INPP4B: variants seen among roughly 807,000 people sequenced by gnomAD.
INPP4B encodes inositol polyphosphate 4-phosphatase type II.
A neutral mutation model predicts 122.5 loss-of-function variants in INPP4B; 55 were observed. That is an observed-to-expected ratio of 0.45 (90% CI 0.36 to 0.56). The LOEUF is 0.56. INPP4B is among the 20% of genes least tolerant of loss of function. INPP4B has a pLI of 0.00. For synonymous variants in INPP4B, 403 were observed against 388.7 expected (o/e 1.04, Z -0.43); for missense variants, 1,000 against 1,097.7 (o/e 0.91, Z 1.26).
chr4:142,836,755 G>A (rs972436392), intron 1 of INPP4B, among the ~76,000 whole-genome samples: 2 of 103,102 alleles, frequency 1.9e-5, no homozygotes, highest in Admixed American at 8.9e-5. Flanking sequence ...CAAGAAATAC[G>A]ACATTCAACT....
At chr4:142,218,863 T>C (rs1450573913) in intron 12 of INPP4B, among the ~76,000 whole-genome samples, 1 of 152,186 alleles carries the variant, frequency 6.6e-6, no homozygotes, top group African/African-American at 2.4e-5. Context: ...CAGTGAAGAA[T>C]AGACTACATA....
At chr4:142,437,474 G>A (rs941702211) in intron 3 of INPP4B, among the ~76,000 whole-genome samples, 3 of 151,904 alleles carry the variant, frequency 2.0e-5, no homozygotes, top group African/African-American at 4.8e-5. Flanking sequence ...CTCCAAGGTC[G>A]ACATGAAGGA....
intron 1 of INPP4B, among the ~76,000 whole-genome samples, chr4:142,815,612 A>G (rs1463381398): frequency 6.6e-6 from 1 of 152,080 alleles, no homozygotes; most frequent in East Asian, 1.9e-4. Flanking sequence ...ACCTGAAACT[A>G]TGTCTTTCTG....
chr4:142,234,150 T>C (rs183948472), intron 12 of INPP4B, among the ~76,000 whole-genome samples: 370 of 152,290 alleles, frequency 2.4e-3, no homozygotes, highest in Non-Finnish European at 3.4e-3. Flanking sequence ...GCACTAACTG[T>C]TCTTCCCCTA....
chr4:142,081,409 T>C (rs1773842597), intron 25 of INPP4B, among the ~76,000 whole-genome samples: 1 of 152,190 alleles, frequency 6.6e-6, no homozygotes, highest in African/African-American at 2.4e-5. Flanking sequence ...ACTGTGGAAA[T>C]GAATCAAGAA....
At chr4:142,534,298 C>T (rs932157304) in intron 2 of INPP4B, among the ~76,000 whole-genome samples, 2 of 152,076 alleles carry the variant, frequency 1.3e-5, no homozygotes, top group African/African-American at 4.8e-5. Context: ...TCAAAATTTA[C>T]GTTGAAACTT....
intron 9 of INPP4B, among the ~76,000 whole-genome samples, chr4:142,273,841 G>A (rs1262405828): frequency 6.6e-6 from 1 of 151,710 alleles, no homozygotes; most frequent in African/African-American, 2.4e-5. Context: ...AAACAGAATG[G>A]TAAATCCAGG....
At chr4:142,320,649 A>G (rs1038367282) in intron 7 of INPP4B, among the ~76,000 whole-genome samples, 2 of 151,124 alleles carry the variant, frequency 1.3e-5, no homozygotes, top group African/African-American at 4.9e-5. Context: ...CCCTCACCCC[A>G]CTCCCACCCT....
intron 2 of INPP4B, among the ~76,000 whole-genome samples, chr4:142,553,189 G>A (rs918244860): frequency 6.6e-6 from 1 of 152,042 alleles, no homozygotes; most frequent in Non-Finnish European, 1.5e-5. Context: ...TCAGAGCAGA[G>A]TCAGAAGCTC....
intron 1 of INPP4B, among the ~76,000 whole-genome samples, chr4:142,771,004 C>T (rs891001028): frequency 5.9e-5 from 9 of 152,158 alleles, no homozygotes; most frequent in African/African-American, 1.2e-4. Flanking sequence ...TTGGAAAGTG[C>T]GGGTAACAAA....
chr4:142,353,786 A>G (rs1466002611), intron 7 of INPP4B, among the ~76,000 whole-genome samples: 1 of 152,012 alleles, frequency 6.6e-6, no homozygotes, highest in African/African-American at 2.4e-5. Flanking sequence ...TGCAAATAGT[A>G]TAGAGTTTGT....
At chr4:142,722,052 AG>A (rs1309327748) in intron 2 of INPP4B, among the ~76,000 whole-genome samples, 5 of 151,764 alleles carry the variant, frequency 3.3e-5, no homozygotes, top group African/African-American at 1.2e-4. Flanking sequence ...ATTATATTGA[AG>A]AAAAAAATCC....
intron 25 of INPP4B, among the ~76,000 whole-genome samples, chr4:142,075,412 G>A (rs948949604): frequency 2.6e-5 from 4 of 151,760 alleles, no homozygotes; most frequent in Admixed American, 6.6e-5. Context: ...CACTAACCCC[G>A]ACTCTAAGCT....
chr4:142,559,536 T>C (rs1195801856), intron 2 of INPP4B, among the ~76,000 whole-genome samples: 2 of 152,144 alleles, frequency 1.3e-5, no homozygotes, highest in Non-Finnish European at 2.9e-5. Context: ...ATAGCAAGGA[T>C]GTCTTGCTAT....
At chr4:142,151,580 C>A (rs749954402) in intron 17 of INPP4B, among the ~76,000 whole-genome samples, 6 of 152,130 alleles carry the variant, frequency 3.9e-5, no homozygotes, top group Non-Finnish European at 8.8e-5. Context: ...TTTCCCAGAC[C>A]TATATTATAG....
At chr4:142,140,458 G>C (rs1277443373) in intron 18 of INPP4B, among the ~76,000 whole-genome samples, 1 of 152,162 alleles carries the variant, frequency 6.6e-6, no homozygotes, top group African/African-American at 2.4e-5. Flanking sequence ...GTATTTGAAT[G>C]CATACTGTTC....
chr4:142,354,819 C>G (rs1224706741), intron 7 of INPP4B, among the ~76,000 whole-genome samples: 1 of 151,952 alleles, frequency 6.6e-6, no homozygotes, highest in Admixed American at 6.6e-5. Flanking sequence ...GCTAAATATA[C>G]CTAACTAACA....
chr4:142,545,847 G>T (rs546829825), intron 2 of INPP4B, among the ~76,000 whole-genome samples: 1 of 148,194 alleles, frequency 6.7e-6, no homozygotes. Context: ...AAAATGGTCT[G>T]TTGTTCAAAT....
At chr4:142,557,538 G>A (rs909101390) in intron 2 of INPP4B, among the ~76,000 whole-genome samples, 1 of 152,110 alleles carries the variant, frequency 6.6e-6, no homozygotes, top group Non-Finnish European at 1.5e-5. Context: ...AGAGTTAGTG[G>A]CAGAATCTGG....
Sources: allele counts gnomAD v4.1 joint callset (sites outside exome capture counted in the v4.1 genomes callset), GRCh38; gene constraint gnomAD v4.1.1; transcripts MANE v1.5; gene names NCBI Gene and HGNC (gene_info 2026-07-23, HGNC 2026-07-21).